FKBP1B: variants seen among roughly 807,000 people sequenced by gnomAD.
FKBP1B encodes the protein FKBP prolyl isomerase 1B, also known as peptidyl-prolyl cis-trans isomerase FKBP1B.
Under a neutral mutation model 13.5 loss-of-function variants are expected in FKBP1B, and 4 were observed. The ratio of observed to expected loss-of-function variants is 0.30; its 90% CI spans 0.15 to 0.68. FKBP1B has a LOEUF of 0.68. FKBP1B is among the 30% of genes least tolerant of loss of function. The pLI, the probability that FKBP1B is intolerant of heterozygous loss-of-function variation, is 0.76. For missense variants in FKBP1B, 93 were observed against 136.2 expected, an observed-to-expected ratio of 0.68 and a Z score of 1.58; for synonymous variants, 54 against 53.6, an observed-to-expected ratio of 1.01 and a Z score of -0.03.
intron 2 of FKBP1B, among the ~76,000 whole-genome samples, chr2:24,057,638 G>C (rs1313285651): frequency 2.0e-5 from 3 of 151,982 alleles, no homozygotes; most frequent in Non-Finnish European, 4.4e-5. Context: ...CTCCCAAAGT[G>C]CTGGGATTAC....
At chr2:24,060,527 G>A (rs909758816) in intron 2 of FKBP1B, among the ~76,000 whole-genome samples, 1 of 152,054 alleles carries the variant, frequency 6.6e-6, no homozygotes, top group Non-Finnish European at 1.5e-5. Flanking sequence ...ACTCCAGCCT[G>A]GGTGACAAAT....
intron 2 of FKBP1B, among the ~76,000 whole-genome samples, chr2:24,059,834 G>A (rs1487735338): frequency 6.9e-6 from 1 of 144,008 alleles, no homozygotes; most frequent in African/African-American, 2.6e-5. Flanking sequence ...GGCGGAGGTT[G>A]CAGTGAACCG....
the FKBP1B span, among the ~76,000 whole-genome samples, chr2:24,035,812 T>G: frequency 0.021 from 3,153 of 151,868 alleles, 113 homozygotes; most frequent in African/African-American, 0.072. Flanking sequence ...GGCTTACACG[T>G]GTAATCTCAG....
rs1395839061 is a variant in FKBP1B, at chr2:24,049,764, C to T, written c.-86C>T. ...CTGCAGTGGCGGCGAGGAGGCGAGC[C>T]GGAGCGACGGCGGGGCTGGGGCCGG... On this transcript the variant is annotated 5_prime_UTR_variant, in exon 1 of 4. Transcript: ENST00000380986. 28 of 1,147,878 alleles carry T rather than the reference C, an allele frequency of 2.4e-5. No homozygotes were observed. Among genetic ancestry groups the T allele is most frequent in the South Asian group, 1.4e-4 (5 of 35,332 alleles). 71.1% of individuals were successfully genotyped at this position (1,147,878 alleles called of 1,614,324 possible).
At chr2:24,060,714 G>T in intron 2 of FKBP1B, 100 bp from the exon 3 acceptor site, 1 of 802,668 alleles carries the variant, frequency 1.2e-6, no homozygotes, top group South Asian at 1.6e-5. Context: ...AAGAGGAGCA[G>T]GTGTGTGCAG....
At chr2:24,048,529 G>A (rs1368910855), upstream of FKBP1B, among the ~76,000 whole-genome samples, 1 of 151,108 alleles carries the variant, frequency 6.6e-6, no homozygotes, top group African/African-American at 2.4e-5. Context: ...TGTTACCCAG[G>A]CTGGTCTTGA....
At chr2:24,049,656 T>C (rs901857932), upstream of FKBP1B, 14 of 387,610 alleles carry the variant, frequency 3.6e-5, no homozygotes, top group Admixed American at 4.6e-5. Flanking sequence ...GACCCCACCT[T>C]TCCGCGCGGC....
At chr2:24,038,037 A>C in the FKBP1B span, 2 of 1,614,150 alleles carry the variant, frequency 1.2e-6, no homozygotes, top group Non-Finnish European at 1.7e-6. Flanking sequence ...TTCCATTCTG[A>C]CTACTGGTAT....
intron 2 of FKBP1B, among the ~76,000 whole-genome samples, chr2:24,059,818 C>T (rs1192508863): frequency 6.8e-6 from 1 of 147,826 alleles, no homozygotes; most frequent in African/African-American, 2.5e-5. Context: ...TCCCTTGAAC[C>T]CGGGAGGCGG....
At chr2:24,046,766 C>T (rs1364020755), upstream of FKBP1B, among the ~76,000 whole-genome samples, 1 of 152,104 alleles carries the variant, frequency 6.6e-6, no homozygotes, top group East Asian at 1.9e-4. Flanking sequence ...AACATTCATC[C>T]AAAGAAAATT....
intron 2 of FKBP1B, among the ~76,000 whole-genome samples, chr2:24,055,264 G>A (rs1296045959): frequency 6.7e-6 from 1 of 150,354 alleles, no homozygotes; most frequent in Non-Finnish European, 1.5e-5. Flanking sequence ...CTCAGGCTGA[G>A]TGCAGTGGTG....
chr2:24,038,755 G>A, the FKBP1B span: 1 of 1,614,184 alleles, frequency 6.2e-7, no homozygotes, highest in East Asian at 2.2e-5. Flanking sequence ...AGCATACGGA[G>A]TCATGTCTTT....
the FKBP1B span, among the ~76,000 whole-genome samples, chr2:24,041,858 C>T: frequency 1.1e-5 from 1 of 93,226 alleles, no homozygotes; most frequent in East Asian, 3.4e-4. Context: ...AACTCTGTCT[C>T]AAAAAAAAAA....
the FKBP1B span, among the ~76,000 whole-genome samples, chr2:24,042,271 C>T: frequency 2.0e-5 from 3 of 152,102 alleles, no homozygotes; most frequent in African/African-American, 4.8e-5. Context: ...GGCGCAGTGG[C>T]TCACGCCTGT....
At chr2:24,045,617 A>G (rs1157662530), upstream of FKBP1B, among the ~76,000 whole-genome samples, 158 of 99,422 alleles carry the variant, frequency 1.6e-3, 1 homozygote, top group African/African-American at 7.1e-3. Context: ...AAAAAAAAAA[A>G]AAAGAGAGAG....
intron 2 of FKBP1B, among the ~76,000 whole-genome samples, chr2:24,060,125 G>GA (rs34768847): frequency 5.8e-4 from 86 of 148,312 alleles, no homozygotes; most frequent in Admixed American, 3.5e-3. Context: ...TGTGTTTAAA[G>GA]AAAAAAAAAA....
intron 2 of FKBP1B, among the ~76,000 whole-genome samples, chr2:24,057,967 C>A (rs1664215207): frequency 1.3e-5 from 2 of 151,988 alleles, no homozygotes; most frequent in Non-Finnish European, 2.9e-5. Context: ...GAGGCCAAGG[C>A]AGGTGGATCA....
chr2:24,049,851 TG>T lies in FKBP1B; in HGVS notation c.5del (p.Gly2?). 7.0e-7 allele frequency: 1 copy of T among 1,426,950 alleles called. No individual in the cohort carries two copies. The highest frequency in any genetic ancestry group is 9.2e-7 in the Non-Finnish European group (1 of 1,088,522). The allele number at this position is 1,426,950 out of a possible 1,614,324, so 88.4% of individuals were successfully genotyped here. ...AGAGGCGGGGCCTGTGGGACCGCTA[TG>T]GGCGTGGAGATCGAGACCATCTCCC... The part of the protein sequence containing the change: [M>X]GVEIETISPG... On this transcript the variant is annotated frameshift_variant and start_lost, in exon 1 of 4. Transcript: ENST00000380986. LOFTEE classifies it high-confidence loss of function.
At chr2:24,038,602 T>C in the FKBP1B span, 9 of 1,614,044 alleles carry the variant, frequency 5.6e-6, no homozygotes, top group Non-Finnish European at 6.8e-6. Context: ...AATAAGAGAA[T>C]TACCCTCAGA....
Sources: allele counts gnomAD v4.1 joint callset (sites outside exome capture counted in the v4.1 genomes callset), GRCh38; gene constraint gnomAD v4.1.1; transcripts MANE v1.5; gene names NCBI Gene and HGNC (gene_info 2026-07-23, HGNC 2026-07-21).